MRGBP: variants seen among roughly 807,000 people sequenced by gnomAD.
MRGBP encodes MRG/MORF4L-binding protein.
In MRGBP, 5 loss-of-function variants were observed where a neutral mutation model predicts 21.5. The ratio of observed to expected loss-of-function variants is 0.23; its 90% CI spans 0.12 to 0.49. The LOEUF is 0.49. Among genes scored for constraint, MRGBP ranks in the 20% least tolerant of loss-of-function variants. The pLI, the probability that MRGBP is intolerant of heterozygous loss-of-function variation, is 0.98. For synonymous variants in MRGBP, 118 were observed against 104.4 expected (o/e 1.13, Z -0.79); for missense variants, 227 against 277.4 (o/e 0.82, Z 1.29).
chr20:62,799,730 C>G lies in MRGBP; in HGVS notation c.*87C>G, dbSNP rs1443868261. The stretch of plus-strand genomic sequence containing the variant: ...CTGGGTCTGAGTGCCACCCCCCAGG[C>G]CACAGTGATACCATCCCAGTGCCAT... On this transcript the variant is annotated 3_prime_UTR_variant, in exon 5 of 5. Coordinates refer to ENST00000370487, the MANE Select transcript of MRGBP (RefSeq NM_018270.6). The G allele has an allele frequency of 2.7e-5, 38 of 1,393,616 alleles. No homozygotes were observed. Among genetic ancestry groups the G allele is most frequent in the Non-Finnish European group, 3.5e-5 (36 of 1,029,244 alleles). 86.3% of individuals were successfully genotyped at this position (1,393,616 alleles called of 1,614,324 possible).
rs759870218 is a variant in MRGBP at position 62,798,938 on chromosome 20, G to A, written c.353-37G>A. On this transcript the variant is annotated intron_variant, in intron 3 of 4. Coordinates refer to ENST00000370487, the MANE Select transcript of MRGBP (RefSeq NM_018270.6). ...CCATCCCCCAGCGTCGGCCACCACC[G>A]TGGGTTTTCGGTGAGCGTCAGCTGT... The A allele has an allele frequency of 1.7e-5, 27 of 1,612,636 alleles. 1 individual carries two copies. In the South Asian group the frequency reaches 2.3e-4, roughly 14 times the overall value.
At chr20:62,799,364 G>T (rs538269382) in intron 4 of MRGBP, 92 bp from the exon 5 acceptor site, 1 of 1,357,146 alleles carries the variant, frequency 7.4e-7, no homozygotes, top group Non-Finnish European at 1.0e-6. Context: ...AGAGGGTCAC[G>T]TGTCAGTATG....
At position 62,800,498 on chromosome 20, in the gene MRGBP, C is replaced by G. The variant is rs1009937106; in HGVS notation, c.*855C>G. 1.3e-5 allele frequency: 2 copies of G among 152,282 alleles called. No homozygotes were observed. The highest frequency in any genetic ancestry group is 2.9e-5 in the Non-Finnish European group (2 of 68,030). The allele number at this position is 152,282 out of a possible 1,614,324, so 9.4% of individuals were successfully genotyped here. ...GACCAAATGGATGAGAGGCGGGGAC[C>G]GTGCAGCTGTCGGCTGATGAGGAGG... On this transcript the variant is annotated 3_prime_UTR_variant, in exon 5 of 5. Transcript: ENST00000370487.
chr20:62,797,729 T>C lies in MRGBP; in HGVS notation c.270+498T>C, dbSNP rs540207775. Among the ~76,000 whole-genome samples, 10 of 152,290 alleles carry C rather than the reference T, an allele frequency of 6.6e-5. No individual in the cohort carries two copies. In the South Asian group the frequency reaches 2.1e-3, roughly 32 times the overall value. ...TCACACCAAGGTGAATTTGGTGACT[T>C]CTGTGGGAGTCAGACAAGTAGAGTT... On this transcript the variant is annotated intron_variant, in intron 2 of 4. Coordinates refer to ENST00000370487, the MANE Select transcript of MRGBP (RefSeq NM_018270.6).
intron 3 of MRGBP, 80 bp from the exon 4 acceptor site, chr20:62,798,895 G>C (rs1361283840): frequency 6.2e-7 from 1 of 1,601,088 alleles, no homozygotes; most frequent in Non-Finnish European, 8.5e-7. Context: ...GCAAGCGTCG[G>C]AGCAGTCCCT....
intron 1 of MRGBP, 60 bp from the exon 2 acceptor site, chr20:62,797,050 C>G: frequency 6.6e-7 from 1 of 1,524,318 alleles, no homozygotes; most frequent in South Asian, 1.3e-5. Flanking sequence ...GCAGCCCGTC[C>G]CCTCCATCCC....
At position 62,799,716 on chromosome 20, in the gene MRGBP, T is replaced by G; in HGVS notation, c.*73T>G. The G allele has an allele frequency of 6.7e-7, 1 of 1,488,534 alleles. No homozygotes were observed. The highest frequency in any genetic ancestry group is 1.3e-5 in the South Asian group (1 of 79,878). 92.2% of individuals were successfully genotyped at this position (1,488,534 alleles called of 1,614,324 possible). A position where few individuals can be genotyped will look rare whatever the true frequency, so the allele number is the denominator to read the frequency against. ...GCTGAGGGGGTTGGCTGGGTCTGAG[T>G]GCCACCCCCCAGGCCACAGTGATAC... On this transcript the variant is annotated 3_prime_UTR_variant, in exon 5 of 5. Coordinates refer to ENST00000370487, the MANE Select transcript of MRGBP (RefSeq NM_018270.6).
chr20:62,800,939 G>C lies in MRGBP; in HGVS notation c.*1296G>C, dbSNP rs1192783576. The C allele has an allele frequency of 1.3e-5, 2 of 152,138 alleles. No individual in the cohort carries two copies. Among genetic ancestry groups the C allele is most frequent in the African/African-American group, 2.4e-5 (1 of 41,418 alleles). 9.4% of individuals were successfully genotyped at this position (152,138 alleles called of 1,614,324 possible). A position where few individuals can be genotyped will look rare whatever the true frequency, so the allele number is the denominator to read the frequency against. On this transcript the variant is annotated 3_prime_UTR_variant, in exon 5 of 5. Transcript: ENST00000370487. ...CCGTGTGCGGACGAGGAGACAAGCT[G>C]TCCTGGCCAGCCATCGCACCCCAAT...
At chr20:62,799,121 ACAGT>A in intron 4 of MRGBP, 72 bp downstream of exon 4, 1 of 1,494,920 alleles carries the variant, frequency 6.7e-7, no homozygotes, top group Non-Finnish European at 9.1e-7. Context: ...CAGGCAGGGC[ACAGT>A]CAGGTGGGCG....
chr20:62,797,278 C>T (rs755386011), intron 2 of MRGBP, 47 bp downstream of exon 2: 2 of 1,502,630 alleles, frequency 1.3e-6, no homozygotes, highest in Non-Finnish European at 1.8e-6. Context: ...GGCACGAACC[C>T]GCACACCGCT....
At chr20:62,796,743 C>T (rs1193597432) in intron 1 of MRGBP, 72 bp downstream of exon 1, 3 of 1,173,688 alleles carry the variant, frequency 2.6e-6, no homozygotes, top group African/African-American at 1.6e-5. Flanking sequence ...GGCCTGCGCT[C>T]GCGACACCCT....
chr20:62,796,712 G>A (rs1990342947), intron 1 of MRGBP, 41 bp downstream of exon 1: 1 of 1,247,238 alleles, frequency 8.0e-7, no homozygotes, highest in South Asian at 2.4e-5. Flanking sequence ...GGCGGGGCGG[G>A]CAACCGGCGG....
chr20:62,799,390 G>C, intron 4 of MRGBP, 66 bp from the exon 5 acceptor site: 2 of 1,536,608 alleles, frequency 1.3e-6, no homozygotes, highest in Non-Finnish European at 1.8e-6. Flanking sequence ...TTTTTTAACT[G>C]AACAGGAAGA....
chr20:62,797,262 G>T, intron 2 of MRGBP, 31 bp downstream of exon 2: 1 of 1,525,630 alleles, frequency 6.6e-7, no homozygotes, highest in South Asian at 1.3e-5. Context: ...TGTGCCGCCC[G>T]ATGGGGGCAC....
intron 4 of MRGBP, 22 bp from the exon 5 acceptor site, chr20:62,799,434 C>A: frequency 1.2e-6 from 2 of 1,600,966 alleles, no homozygotes; most frequent in Non-Finnish European, 1.7e-6. Context: ...TGTTTTCAGC[C>A]AAGTGATTTT....
At chr20:62,796,813 CCCCCGCCCCCTCCCACGCGCCCTTCGGA>C (rs1317306250) in intron 1 of MRGBP, 142 bp downstream of exon 1, 2 of 825,308 alleles carry the variant, frequency 2.4e-6, no homozygotes, top group African/African-American at 4.0e-5. Context: ...CGTCCCGGGA[CCCCCGCCCCCTCCCACGCGCCCTTCGGA>C]CCCCGCCCCG....
chr20:62,796,991 T>C (rs1568730844), intron 1 of MRGBP, 119 bp from the exon 2 acceptor site: 2 of 174,016 alleles, frequency 1.1e-5, no homozygotes, highest in South Asian at 1.1e-4. Context: ...CTCCACACCC[T>C]GGCCCTCCCC....
intron 2 of MRGBP, among the ~76,000 whole-genome samples, 173 bp from the exon 3 acceptor site, chr20:62,798,414 C>T (rs1265115560): frequency 6.6e-6 from 1 of 152,218 alleles, no homozygotes; most frequent in Non-Finnish European, 1.5e-5. Context: ...GTGGCAGGCG[C>T]TGTTCACAAA....
rs758754940 is a variant in MRGBP, at chr20:62,797,162, C to T, written c.201C>T (p.Asn67=). 1.9e-6 allele frequency: 3 copies of T among 1,607,254 alleles called. No individual in the cohort carries two copies. The highest frequency in any genetic ancestry group is 2.5e-6 in the Non-Finnish European group (3 of 1,178,014). Residue 67 remains asparagine (N), a synonymous_variant, in exon 2 of 5, where the codon AAC becomes AAT. Coordinates refer to ENST00000370487, the MANE Select transcript of MRGBP (RefSeq NM_018270.6). Reference sequence around the variant, plus strand: ...GTATTCGGGACAAGTTCAGCCAGAACATCGGGCGGCAGGTCCCATCCAAGG... The same window carrying T: ...GTATTCGGGACAAGTTCAGCCAGAATATCGGGCGGCAGGTCCCATCCAAGG... ...MICIRDKFSQ[N]IGRQVPSKVI...
Sources: gnomAD v4.1 joint callset for allele counts (sites outside exome capture counted in the v4.1 genomes callset) on GRCh38, gnomAD v4.1.1 for gene constraint, MANE v1.5 for transcripts, NCBI Gene and HGNC (gene_info 2026-07-23, HGNC 2026-07-21) for gene names.